Variants in DDX1 observed in about 807,000 individuals in gnomAD.
DDX1 encodes the protein ATP-dependent RNA helicase DDX1.
A neutral mutation model predicts 108.7 loss-of-function variants in DDX1; 28 were observed. The ratio of observed to expected loss-of-function variants is 0.26; its 90% confidence interval spans 0.19 to 0.35. The LOEUF (loss-of-function observed/expected upper bound fraction) is 0.35. Among genes scored for constraint, DDX1 ranks in the 10% least tolerant of loss-of-function variants. The pLI is 1.00. For synonymous variants in DDX1, 295 were observed against 288.9 expected, an observed-to-expected ratio of 1.02 and a Z score of -0.21; for missense variants, 710 against 884.5, an observed-to-expected ratio of 0.80 and a Z score of 2.50.
intron 25 of DDX1, 36 bp downstream of exon 25, chr2:15,630,146 G>A (rs1666169298): frequency 1.2e-6 from 2 of 1,606,392 alleles, no homozygotes; most frequent in South Asian, 2.2e-5. Flanking sequence ...AATTTTAAAT[G>A]TAAATATACC....
chr2:15,601,846 T>C (rs920964666), intron 6 of DDX1, among the ~76,000 whole-genome samples: 4 of 152,252 alleles, frequency 2.6e-5, no homozygotes, highest in Middle Eastern at 3.2e-3. Context: ...ACAGAAATTA[T>C]AGTTTTTTTC....
chr2:15,606,213 G>A lies in DDX1; in HGVS notation c.766G>A (p.Val256Ile). ...EFKFPPKDGF[V>I]ALSKAPDGYI... ...TAAGTTTCCACCAAAAGATGGCTTTGTTGCTCTTTCCAAGGCACCGGATGG... is the reference window on the plus strand; with the variant it reads ...TAAGTTTCCACCAAAAGATGGCTTTATTGCTCTTTCCAAGGCACCGGATGG... Residue 256 changes from valine to isoleucine, a missense_variant, in exon 12 of 26, where the codon GTT (valine) becomes ATT (isoleucine). Coordinates refer to ENST00000233084, the MANE Select transcript of DDX1 (RefSeq NM_004939.3). The A allele has an allele frequency of 1.2e-6, 2 of 1,614,102 alleles. No homozygotes were observed. The highest frequency in any genetic ancestry group is 1.3e-5 in the African/African-American group (1 of 75,044).
At chr2:15,599,295 TTTTA>T (rs138678674) in intron 5 of DDX1, 100,150 of 148,376 alleles carry the variant, frequency 0.67, 34,637 homozygotes, top group East Asian at 0.88. Flanking sequence ...GAGCGTTTTA[TTTTA>T]TTTATTTATT....
At chr2:15,606,610 C>A (rs1410323954) in intron 12 of DDX1, among the ~76,000 whole-genome samples, 3 of 152,152 alleles carry the variant, frequency 2.0e-5, no homozygotes, top group Admixed American at 2.0e-4. Flanking sequence ...TACAGACAAC[C>A]TAACGAATAG....
intron 16 of DDX1, among the ~76,000 whole-genome samples, chr2:15,618,896 A>G (rs1321101725): frequency 6.6e-6 from 1 of 152,256 alleles, no homozygotes; most frequent in Non-Finnish European, 1.5e-5. Context: ...AGCTTGAGAC[A>G]GTGCCCAACC....
intron 13 of DDX1, 121 bp downstream of exon 13, chr2:15,607,434 A>T (rs1665682016): frequency 1.3e-6 from 1 of 749,042 alleles, no homozygotes; most frequent in Non-Finnish European, 2.1e-6. Flanking sequence ...CACGTGTGTG[A>T]GTATGTAAAT....
chr2:15,618,240 T>C lies in DDX1; in HGVS notation c.1176T>C (p.Pro392=). The stretch of plus-strand genomic sequence containing the variant: ...TAAATAGGATGCACAATCAGATTCC[T>C]CAGGTTACCTCTGATGGAAAAAGAC... ...DFINRMHNQI[P]QVTSDGKRLQ... Residue 392 remains proline, a synonymous_variant, in exon 16 of 26, where the codon CCT becomes CCC. Coordinates refer to ENST00000233084, the MANE Select transcript of DDX1 (RefSeq NM_004939.3). 3.1e-6 allele frequency: 5 copies of C among 1,587,680 alleles called. No homozygotes were observed. The highest frequency in any genetic ancestry group is 4.3e-6 in the Non-Finnish European group (5 of 1,160,314).
chr2:15,617,678 G>T (rs1229739553), intron 15 of DDX1, among the ~76,000 whole-genome samples: 1 of 152,098 alleles, frequency 6.6e-6, no homozygotes, highest in East Asian at 1.9e-4. Context: ...AGGCAGATTT[G>T]ATTTTTGCTC....
At chr2:15,628,772 T>C (rs1041985546) in intron 22 of DDX1, 25 bp from the exon 23 acceptor site, 1 of 1,613,688 alleles carries the variant, frequency 6.2e-7, no homozygotes, top group Non-Finnish European at 8.5e-7. Flanking sequence ...TAAAGTCTAA[T>C]AGAAGGCTTT....
In DDX1 at chr2:15,620,377, T is replaced by A. The variant is rs766451073; in HGVS notation, c.1376T>A (p.Leu459His). 7 of 1,612,746 alleles carry A rather than the reference T, an allele frequency of 4.3e-6. No individual in the cohort carries two copies. Among genetic ancestry groups the A allele is most frequent in the Non-Finnish European group, 5.9e-6 (7 of 1,179,682 alleles). ...NPKTDRLWER[L>H]GKSHIRTDDV... ...AAAACTGACAGACTCTGGGAAAGGCTTGGAAAGAGCCACATTAGAGTAAGT... is the reference window on the plus strand; with the variant it reads ...AAAACTGACAGACTCTGGGAAAGGCATGGAAAGAGCCACATTAGAGTAAGT... Residue 459 changes from leucine to histidine, a missense_variant, in exon 17 of 26, where the codon CTT becomes CAT. This residue lies in a region of DDX1 where 661 missense variants were observed against 810.2 expected (regional missense o/e 0.82). Coordinates refer to ENST00000233084, the MANE Select transcript of DDX1 (RefSeq NM_004939.3).
At chr2:15,620,498 C>G (rs935703842) in intron 17 of DDX1, 102 bp downstream of exon 17, 1 of 849,828 alleles carries the variant, frequency 1.2e-6, no homozygotes, top group Non-Finnish European at 1.8e-6. Context: ...GTTATTGTAT[C>G]AAAGAAAAGT....
At chr2:15,611,341 A>C (rs62122274) in intron 13 of DDX1, among the ~76,000 whole-genome samples, 2 of 151,084 alleles carry the variant, frequency 1.3e-5, no homozygotes, top group Non-Finnish European at 2.9e-5. Flanking sequence ...ACCTCTCCCC[A>C]CTTTCTACTC....
chr2:15,595,801 G>T (rs574004668), intron 3 of DDX1, among the ~76,000 whole-genome samples: 11 of 152,162 alleles, frequency 7.2e-5, no homozygotes, highest in Non-Finnish European at 1.3e-4. Flanking sequence ...AAGAGATGCA[G>T]AGTAGTATAG....
At chr2:15,612,009 A>G (rs1573044080) in intron 13 of DDX1, among the ~76,000 whole-genome samples, 1 of 127,556 alleles carries the variant, frequency 7.8e-6, no homozygotes, top group African/African-American at 3.3e-5. Context: ...GGCCGGGCAG[A>G]GGGGCTCCTC....
At chr2:15,612,944 C>T (rs1308090262) in intron 13 of DDX1, among the ~76,000 whole-genome samples, 2 of 150,956 alleles carry the variant, frequency 1.3e-5, no homozygotes, top group East Asian at 2.0e-4. Context: ...TGCAGTGAGC[C>T]GAGATGGCAG....
At chr2:15,623,944 A>C (rs887746636) in intron 19 of DDX1, among the ~76,000 whole-genome samples, 1 of 152,134 alleles carries the variant, frequency 6.6e-6, no homozygotes, top group African/African-American at 2.4e-5. Context: ...AGGAAAAAAA[A>C]CCTAAACAAG....
chr2:15,607,413 T>C (rs1665681585), intron 13 of DDX1, 100 bp downstream of exon 13: 1 of 1,015,732 alleles, frequency 9.8e-7, no homozygotes, highest in Non-Finnish European at 1.5e-6. Context: ...ATTCAGTGTG[T>C]ATACATAATA....
intron 13 of DDX1, among the ~76,000 whole-genome samples, chr2:15,612,103 T>C (rs1573044184): frequency 8.4e-6 from 1 of 118,442 alleles, no homozygotes; most frequent in African/African-American, 3.4e-5. Flanking sequence ...CCCCCCCACC[T>C]CCCTCCCGGA....
intron 15 of DDX1, among the ~76,000 whole-genome samples, chr2:15,617,959 T>G (rs996274870): frequency 1.3e-5 from 2 of 152,210 alleles, no homozygotes; most frequent in African/African-American, 4.8e-5. Context: ...TTGGATTGCT[T>G]ATTGTCACTT....
Sources: allele counts gnomAD v4.1 joint callset (sites outside exome capture counted in the v4.1 genomes callset), GRCh38; gene constraint gnomAD v4.1.1; regional missense constraint gnomAD v4.1.1; transcripts MANE v1.5; gene names NCBI Gene and HGNC (gene_info 2026-07-23, HGNC 2026-07-21).